Variants in SLC5A11 observed in about 807,000 individuals in gnomAD.
The protein encoded by SLC5A11 is sodium/myo-inositol cotransporter 2.
Under a neutral mutation model 69.8 loss-of-function variants are expected in SLC5A11, and 48 were observed. The ratio of observed to expected loss-of-function variants is 0.69; its 90% CI spans 0.55 to 0.87. The LOEUF is 0.87. SLC5A11 is among the 40% of genes least tolerant of loss of function. The pLI, the probability that SLC5A11 is intolerant of heterozygous loss-of-function variation, is 0.00. For missense variants in SLC5A11, 784 were observed against 866.1 expected (o/e 0.91, Z 1.19); for synonymous variants, 319 against 342.4 (o/e 0.93, Z 0.75).
At chr16:24,850,978 T>G (rs2059277760) in intron 1 of SLC5A11, among the ~76,000 whole-genome samples, 1 of 151,532 alleles carries the variant, frequency 6.6e-6, no homozygotes, top group Non-Finnish European at 1.5e-5. Context: ...GCCCTGCTAA[T>G]TTTTGTATTT....
At chr16:24,910,556 T>A in intron 15 of SLC5A11, 79 bp downstream of exon 16, 7 of 1,444,780 alleles carry the variant, frequency 4.8e-6, no homozygotes, top group Admixed American at 2.3e-5. Context: ...TCCTATCAAA[T>A]CACAAGCCAG....
chr16:24,870,071 A>T, intron 4 of SLC5A11, 66 bp downstream of exon 5: 2 of 1,160,558 alleles, frequency 1.7e-6, no homozygotes, highest in Non-Finnish European at 1.3e-6. Flanking sequence ...CTCAGGGGAA[A>T]GTTGTGTGAA....
chr16:24,911,247 A>T, intron 15 of SLC5A11, 81 bp from the exon 17 acceptor site: 1 of 1,321,242 alleles, frequency 7.6e-7, no homozygotes, highest in Non-Finnish European at 1.1e-6. Context: ...GCACTTGAAC[A>T]CATCTGGTGA....
intron 1 of SLC5A11, among the ~76,000 whole-genome samples, chr16:24,857,685 A>G (rs1176284380): frequency 6.6e-6 from 1 of 151,992 alleles, no homozygotes; most frequent in Admixed American, 6.6e-5. Context: ...TTCTGTTTTT[A>G]CTGTGATTAC....
At chr16:24,846,838 T>G (rs950077034) in intron 1 of SLC5A11, 8 of 152,314 alleles carry the variant, frequency 5.3e-5, no homozygotes, top group Admixed American at 2.0e-4. Context: ...TAAAAAGCTA[T>G]AGGAATGTAT....
chr16:24,908,528 G>A (rs1170632870), intron 13 of SLC5A11, among the ~76,000 whole-genome samples: 2 of 144,174 alleles, frequency 1.4e-5, no homozygotes, highest in African/African-American at 2.6e-5. Flanking sequence ...AACCTGGGGG[G>A]CAGAGGTTGC....
At chr16:24,883,366 T>TA (rs1776217024) in intron 7 of SLC5A11, among the ~76,000 whole-genome samples, 1 of 151,928 alleles carries the variant, frequency 6.6e-6, no homozygotes, top group African/African-American at 2.4e-5. Flanking sequence ...ACCCTGGCTC[T>TA]AAAAAATAAA....
intron 7 of SLC5A11, among the ~76,000 whole-genome samples, chr16:24,882,294 T>A (rs912586627): frequency 6.6e-6 from 1 of 152,154 alleles, no homozygotes. Flanking sequence ...ATAGAAAGGA[T>A]GGTGGGGTTA....
chr16:24,881,902 T>C (rs2048071072), intron 7 of SLC5A11, among the ~76,000 whole-genome samples: 1 of 152,154 alleles, frequency 6.6e-6, no homozygotes, highest in African/African-American at 2.4e-5. Context: ...GGAAACAAAA[T>C]GAGCCTTACA....
Position 24,887,865 on chromosome 16 carries a change from C to T in SLC5A11, c.665-3004C>T, listed in dbSNP as rs567890490. 5.9e-5 allele frequency among the ~76,000 whole-genome samples: 9 copies of T among 151,932 alleles called. No individual in the cohort carries two copies. In the East Asian group the frequency reaches 9.6e-4, roughly 16 times the overall value. On this transcript the variant is annotated intron_variant, in intron 8 of 15. Transcript: ENST00000347898. ...ATAACATAAGGCAAAAAGCGATAAA[C>T]GGGGGATAAGTAATTTTATATTGAA... is the stretch of plus-strand genomic sequence containing the variant.
At chr16:24,897,861 C>T in intron 9 of SLC5A11, 113 bp from the exon 11 acceptor site, 2 of 1,370,256 alleles carry the variant, frequency 1.5e-6, no homozygotes, top group Non-Finnish European at 2.0e-6. Context: ...CCACTGACTC[C>T]CTCCCACAAC....
rs1010310341 is a variant in SLC5A11, at chr16:24,853,492, A to C, written c.-24-5128A>C. On this transcript the variant is annotated intron_variant, in intron 1 of 15. Coordinates refer to ENST00000347898, the Ensembl canonical transcript of SLC5A11. ...CTGGTGACTAATAAATGTTCCACTAAGTCCTCAGGGCCTGGCATGGAGCCT... is the reference window on the plus strand; with the variant it reads ...CTGGTGACTAATAAATGTTCCACTACGTCCTCAGGGCCTGGCATGGAGCCT... 2.0e-5 allele frequency among the ~76,000 whole-genome samples: 3 copies of C among 152,104 alleles called. No individual in the cohort carries two copies. The South Asian group carries it at 6.2e-4, about 32-fold the overall frequency.
intron 8 of SLC5A11, among the ~76,000 whole-genome samples, chr16:24,885,656 C>CAAAAAAAAAA (rs748412604): frequency 1.5e-5 from 1 of 65,928 alleles, no homozygotes; most frequent in Non-Finnish European, 2.6e-5. Context: ...GACCCTGTCT[C>CAAAAAAAAAA]AAAAAAAAAA....
intron 8 of SLC5A11, among the ~76,000 whole-genome samples, chr16:24,888,890 G>C (rs274071): frequency 7.2e-6 from 1 of 139,620 alleles, no homozygotes; most frequent in East Asian, 2.3e-4. Context: ...TCCACCTCCC[G>C]GGTTCAAGCA....
At chr16:24,888,499 T>C (rs2048540088) in intron 8 of SLC5A11, among the ~76,000 whole-genome samples, 1 of 146,212 alleles carries the variant, frequency 6.8e-6, no homozygotes, top group Non-Finnish European at 1.5e-5. Flanking sequence ...TTTTTTTTTT[T>C]TTTGAGATGG....
chr16:24,879,770 G>A (rs2047921428), intron 7 of SLC5A11, among the ~76,000 whole-genome samples: 1 of 152,106 alleles, frequency 6.6e-6, no homozygotes, highest in Admixed American at 6.6e-5. Context: ...AAACAAATAA[G>A]TGAGTGGTTT....
chr16:24,898,343 C>T (rs1357937929), intron 10 of SLC5A11, among the ~76,000 whole-genome samples: 3 of 152,098 alleles, frequency 2.0e-5, no homozygotes, highest in Non-Finnish European at 4.4e-5. Flanking sequence ...TCCTGAGTAG[C>T]TGGGGCTACA....
chr16:24,888,478 CTTTTTTTTTT>C (rs891552223), intron 8 of SLC5A11, among the ~76,000 whole-genome samples: 28 of 81,418 alleles, frequency 3.4e-4, no homozygotes, highest in African/African-American at 1.4e-3. Context: ...GTATCTATTT[CTTTTTTTTTT>C]TTTTTTTTTT....
chr16:24,879,245 A>G (rs965281607), intron 7 of SLC5A11, among the ~76,000 whole-genome samples: 9 of 151,894 alleles, frequency 5.9e-5, no homozygotes, highest in African/African-American at 2.2e-4. Flanking sequence ...CAGGAGGTAC[A>G]TGCAGGTTTG....
Sources: allele counts gnomAD v4.1 joint callset (sites outside exome capture counted in the v4.1 genomes callset), GRCh38; gene constraint gnomAD v4.1.1; transcripts MANE v1.5; gene names NCBI Gene and HGNC (gene_info 2026-07-23, HGNC 2026-07-21).